IL23R: variants seen among roughly 807,000 people sequenced by gnomAD.
IL23R encodes interleukin 23 receptor.
IL23R carries 34 observed loss-of-function variants against 56.9 expected under a neutral mutation model. The observed-to-expected ratio is 0.60, with a 90% CI of 0.45 to 0.80. The LOEUF is 0.80. IL23R is among the 30% of genes least tolerant of loss of function. The pLI is 0.00. For missense variants in IL23R, 635 were observed against 730.0 expected (o/e 0.87, Z 1.50); for synonymous variants, 230 against 249.2 (o/e 0.92, Z 0.73).
chr1:67,212,267 C>A (rs1649530412), intron 6 of IL23R, among the ~76,000 whole-genome samples: 1 of 152,168 alleles, frequency 6.6e-6, no homozygotes, highest in Admixed American at 6.5e-5. Flanking sequence ...CAGAATGAAG[C>A]TTTGTTTACA....
At chr1:67,254,881 A>G (rs933000655) in intron 9 of IL23R, among the ~76,000 whole-genome samples, 6 of 152,184 alleles carry the variant, frequency 3.9e-5, no homozygotes, top group African/African-American at 1.4e-4. Flanking sequence ...TGGGATGTTT[A>G]TGACTTCTAC....
chr1:67,148,633 T>C (rs1049146997), intron 1 of IL23R, among the ~76,000 whole-genome samples: 1 of 152,214 alleles, frequency 6.6e-6, no homozygotes, highest in African/African-American at 2.4e-5. Flanking sequence ...TCTCACTATC[T>C]TCTGAGAATT....
At chr1:67,160,049 C>T (rs187941927) in intron 1 of IL23R, among the ~76,000 whole-genome samples, 2 of 152,160 alleles carry the variant, frequency 1.3e-5, no homozygotes, top group Admixed American at 6.5e-5. Context: ...GATGAGGTTT[C>T]ACCATGTTGC....
At chr1:67,225,345 G>A (rs1164650428) in intron 7 of IL23R, among the ~76,000 whole-genome samples, 1 of 152,182 alleles carries the variant, frequency 6.6e-6, no homozygotes, top group African/African-American at 2.4e-5. Context: ...GATAGGTAAG[G>A]AAGGGGCAGT....
chr1:67,190,902 A>C (rs771315791), intron 4 of IL23R, among the ~76,000 whole-genome samples: 9 of 152,334 alleles, frequency 5.9e-5, no homozygotes, highest in Non-Finnish European at 1.3e-4. Context: ...CTCTACATGC[A>C]TATTTTTAAT....
chr1:67,202,920 C>T (rs1259412448), intron 5 of IL23R, among the ~76,000 whole-genome samples: 7 of 152,124 alleles, frequency 4.6e-5, no homozygotes, highest in African/African-American at 1.4e-4. Flanking sequence ...TGATGATGGA[C>T]AATTATTCCA....
At chr1:67,177,130 C>A (rs1267716596) in intron 3 of IL23R, among the ~76,000 whole-genome samples, 1 of 152,170 alleles carries the variant, frequency 6.6e-6, no homozygotes, top group South Asian at 2.1e-4. Flanking sequence ...TGGGTATATA[C>A]TCAGTAGTGG....
intron 1 of IL23R, among the ~76,000 whole-genome samples, chr1:67,143,321 G>A (rs61057879): frequency 0.017 from 2,593 of 152,226 alleles, 72 homozygotes; most frequent in African/African-American, 0.059. Context: ...ATGACAAAGG[G>A]TACTATTGTC....
chr1:67,189,295 T>C (rs2102599358), intron 4 of IL23R, among the ~76,000 whole-genome samples: 1 of 152,274 alleles, frequency 6.6e-6, no homozygotes, highest in Non-Finnish European at 1.5e-5. Flanking sequence ...ATTATTCTAG[T>C]TGATAACTAG....
intron 6 of IL23R, among the ~76,000 whole-genome samples, chr1:67,218,291 CATATACAT>C (rs1408041177): frequency 7.4e-5 from 11 of 148,132 alleles, no homozygotes; most frequent in South Asian, 2.1e-4. Flanking sequence ...TATATACATA[CATATACAT>C]ATATACATAT....
chr1:67,201,126 T>TG (rs1648596514), intron 5 of IL23R, among the ~76,000 whole-genome samples: 1 of 126 alleles, frequency 7.9e-3, no homozygotes, highest in South Asian at 0.25. Flanking sequence ...TGTATGTGGC[T>TG]GGGCCGGTGG....
At chr1:67,189,191 C>A (rs1012328103) in intron 4 of IL23R, among the ~76,000 whole-genome samples, 2 of 151,742 alleles carry the variant, frequency 1.3e-5, no homozygotes, top group Non-Finnish European at 2.9e-5. Flanking sequence ...TTAATGTGGG[C>A]AAGAATTTTT....
intron 3 of IL23R, among the ~76,000 whole-genome samples, chr1:67,175,685 G>A (rs1646998705): frequency 6.6e-6 from 1 of 152,168 alleles, no homozygotes; most frequent in Non-Finnish European, 1.5e-5. Context: ...TTAAGGCTGA[G>A]TAATATCTTA....
intron 7 of IL23R, among the ~76,000 whole-genome samples, chr1:67,229,514 C>A (rs1570893958): frequency 6.6e-6 from 1 of 152,086 alleles, no homozygotes; most frequent in Non-Finnish European, 1.5e-5. Context: ...AAACCATTGG[C>A]CATTGGTGAT....
intron 1 of IL23R, among the ~76,000 whole-genome samples, chr1:67,167,213 G>A (rs182479556): frequency 7.9e-4 from 120 of 152,184 alleles, no homozygotes; most frequent in Non-Finnish European, 1.4e-3. Flanking sequence ...TGGGATGACC[G>A]TCACATGCCA....
intron 3 of IL23R, among the ~76,000 whole-genome samples, chr1:67,172,612 C>G (rs1364338584): frequency 1.3e-5 from 2 of 152,176 alleles, no homozygotes; most frequent in Non-Finnish European, 2.9e-5. Context: ...AAACCATGCA[C>G]AGTCATGTTT....
At chr1:67,217,976 A>G (rs560647181) in intron 6 of IL23R, among the ~76,000 whole-genome samples, 51 of 151,468 alleles carry the variant, frequency 3.4e-4, no homozygotes, top group African/African-American at 1.2e-3. Context: ...TAGTTGTTGC[A>G]TAAATGCATT....
At chr1:67,252,361 C>T (rs975299035) in intron 9 of IL23R, among the ~76,000 whole-genome samples, 3 of 152,132 alleles carry the variant, frequency 2.0e-5, no homozygotes, top group African/African-American at 4.8e-5. Flanking sequence ...TCTTTCTGAC[C>T]TAGTCAAATC....
chr1:67,245,944 C>G (rs1558263318), intron 9 of IL23R, among the ~76,000 whole-genome samples: 1 of 152,062 alleles, frequency 6.6e-6, no homozygotes, highest in African/African-American at 2.4e-5. Context: ...TGGTCCTGGA[C>G]TTTTTTTGAT....
Sources: gnomAD v4.1 joint callset for allele counts (sites outside exome capture counted in the v4.1 genomes callset) on GRCh38, gnomAD v4.1.1 for gene constraint, MANE v1.5 for transcripts, NCBI Gene and HGNC (gene_info 2026-07-23, HGNC 2026-07-21) for gene names.